Variants in DLG2 observed in about 807,000 individuals in gnomAD.
DLG2 encodes disks large homolog 2.
In DLG2, 45 loss-of-function variants were observed where a neutral mutation model predicts 132.5. That is an observed-to-expected ratio of 0.34 (90% CI 0.27 to 0.44). DLG2 has a LOEUF of 0.44. Among genes scored for constraint, DLG2 ranks in the 20% least tolerant of loss-of-function variants. The pLI is 1.00. For missense variants in DLG2, 1,045 were observed against 1,196.9 expected, an observed-to-expected ratio of 0.87 and a Z score of 1.87; for synonymous variants, 424 against 419.6, an observed-to-expected ratio of 1.01 and a Z score of -0.13.
At chr11:84,513,139 T>A (rs1488951758) in intron 7 of DLG2, among the ~76,000 whole-genome samples, 2 of 150,670 alleles carry the variant, frequency 1.3e-5, no homozygotes, top group Non-Finnish European at 3.0e-5. Flanking sequence ...ATCCCAGAAC[T>A]TAAAGTAAAA....
chr11:84,720,571 C>T (rs949620461), intron 6 of DLG2: 5 of 756,168 alleles, frequency 6.6e-6, no homozygotes, highest in Non-Finnish European at 8.1e-6. Flanking sequence ...CCGAGCCTCT[C>T]GGGGTCTCCC....
chr11:85,107,765 T>C (rs940830746), intron 6 of DLG2, among the ~76,000 whole-genome samples: 2 of 151,476 alleles, frequency 1.3e-5, no homozygotes, highest in African/African-American at 2.4e-5. Context: ...AGCCGCACGA[T>C]AGGAGAGAAA....
intron 5 of DLG2, among the ~76,000 whole-genome samples, chr11:85,113,365 T>C (rs988696511): frequency 6.6e-6 from 1 of 152,060 alleles, no homozygotes; most frequent in South Asian, 2.1e-4. Flanking sequence ...TCACAAAATA[T>C]GACGGGTGCA....
intron 11 of DLG2, among the ~76,000 whole-genome samples, chr11:84,044,570 G>T (rs566986903): frequency 1.3e-5 from 2 of 151,788 alleles, no homozygotes; most frequent in Non-Finnish European, 2.9e-5. Flanking sequence ...AGGCAAGTGT[G>T]TCATTTTTCT....
At chr11:85,346,888 A>G (rs2152870401) in intron 3 of DLG2, among the ~76,000 whole-genome samples, 1 of 152,248 alleles carries the variant, frequency 6.6e-6, no homozygotes, top group Admixed American at 6.5e-5. Flanking sequence ...ACTGAGGGTC[A>G]GGATTTGTAG....
At position 84,532,117 on chromosome 11, in the gene DLG2, ATTTTTTTTT is replaced by A. The variant is rs67139617; in HGVS notation, c.519+2444_519+2452del. ...CCATGGTGCTTTCATTGTTCTGTTC[ATTTTTTTTT>A]TTTTTTTTTTTTTTTACTGTAACCG... On this transcript the variant is annotated intron_variant, in intron 7 of 27. Coordinates refer to ENST00000376104, the MANE Select transcript of DLG2 (RefSeq NM_001142699.3). Among the ~76,000 whole-genome samples, 12 of 104,592 alleles carry A rather than the reference ATTTTTTTTT, an allele frequency of 1.1e-4. No individual in the cohort carries two copies. The East Asian group carries it at 1.5e-3, about 13-fold the overall frequency. The allele number at this position is 104,592 out of a possible 152,430, so 68.6% of individuals were successfully genotyped here. A position where few individuals can be genotyped will look rare whatever the true frequency, so the allele number is the denominator to read the frequency against.
chr11:84,923,449 G>A, intron 6 of DLG2: 5 of 973,776 alleles, frequency 5.1e-6, no homozygotes, highest in Non-Finnish European at 6.1e-6. Context: ...AGAAGAAGGA[G>A]GGGGGAATGA....
At chr11:83,992,105 G>A (rs1041196550) in intron 11 of DLG2, among the ~76,000 whole-genome samples, 5 of 152,114 alleles carry the variant, frequency 3.3e-5, no homozygotes, top group African/African-American at 4.8e-5. Flanking sequence ...ACAAACTCTT[G>A]CATTTCTAAG....
intron 20 of DLG2, among the ~76,000 whole-genome samples, chr11:83,539,218 T>C (rs895202127): frequency 6.6e-6 from 1 of 152,226 alleles, no homozygotes; most frequent in African/African-American, 2.4e-5. Context: ...GGGAAGGTGA[T>C]AATATTCATA....
intron 11 of DLG2, among the ~76,000 whole-genome samples, chr11:84,012,462 T>C (rs1420279186): frequency 6.6e-6 from 1 of 152,110 alleles, no homozygotes; most frequent in African/African-American, 2.4e-5. Context: ...GGTCATTCGA[T>C]GGTGGCATTT....
chr11:84,970,125 C>A (rs1592012696), intron 6 of DLG2, among the ~76,000 whole-genome samples: 1 of 151,912 alleles, frequency 6.6e-6, no homozygotes, highest in Non-Finnish European at 1.5e-5. Context: ...ATGTAACAAA[C>A]CTGCACGTTC....
intron 6 of DLG2, among the ~76,000 whole-genome samples, chr11:85,072,822 C>T (rs182990): frequency 0.63 from 96,130 of 151,638 alleles, 30,866 homozygotes; most frequent in South Asian, 0.74. Flanking sequence ...ATCTACAAAT[C>T]TGGCTATGAA....
At chr11:84,389,971 G>A (rs963667253) in intron 7 of DLG2, among the ~76,000 whole-genome samples, 1 of 152,126 alleles carries the variant, frequency 6.6e-6, no homozygotes, top group Non-Finnish European at 1.5e-5. Flanking sequence ...TGACTTAGCA[G>A]TATCATTTAG....
chr11:83,966,106 A>G (rs189119079), intron 12 of DLG2, among the ~76,000 whole-genome samples: 9 of 152,122 alleles, frequency 5.9e-5, no homozygotes, highest in Non-Finnish European at 1.2e-4. Context: ...CACAACTCTG[A>G]TAATATTTCT....
intron 6 of DLG2, among the ~76,000 whole-genome samples, chr11:84,966,909 A>C (rs2053426864): frequency 6.6e-6 from 1 of 152,132 alleles, no homozygotes; most frequent in Non-Finnish European, 1.5e-5. Context: ...AGTCTAAGAG[A>C]CTGGAAATCC....
chr11:84,643,052 C>G (rs560393145), intron 6 of DLG2, among the ~76,000 whole-genome samples: 3 of 152,230 alleles, frequency 2.0e-5, no homozygotes, highest in African/African-American at 7.2e-5. Context: ...CTACTCTATT[C>G]AAGCTCTGGC....
At position 85,497,030 on chromosome 11, in the gene DLG2, G is replaced by A. The variant is rs548442507; in HGVS notation, c.40+101627C>T. ...CCAGAATGCCTCTTCTCCTCCAAAG[G>A]AAAACAACTCCTCGCCAGCAAGGGA... is the stretch of plus-strand genomic sequence containing the variant. On this transcript the variant is annotated intron_variant, in intron 3 of 27. Coordinates refer to ENST00000376104, the MANE Select transcript of DLG2 (RefSeq NM_001142699.3). 1.9e-4 allele frequency among the ~76,000 whole-genome samples: 29 copies of A among 151,948 alleles called. 1 individual carries two copies. In the South Asian group the frequency reaches 5.9e-3, roughly 31 times the overall value.
intron 3 of DLG2, among the ~76,000 whole-genome samples, chr11:85,591,344 AAGGAC>A (rs1469593099): frequency 6.6e-6 from 1 of 152,252 alleles, no homozygotes; most frequent in Non-Finnish European, 1.5e-5. Context: ...CATAAATATC[AAGGAC>A]ATTTTGAATC....
intron 19 of DLG2, among the ~76,000 whole-genome samples, chr11:83,571,162 G>A (rs1366610153): frequency 4.6e-5 from 7 of 152,100 alleles, no homozygotes; most frequent in South Asian, 2.1e-4. Context: ...GCTTATAGGC[G>A]TGAGCCACCA....
Sources: allele counts gnomAD v4.1 joint callset (sites outside exome capture counted in the v4.1 genomes callset), GRCh38; gene constraint gnomAD v4.1.1; transcripts MANE v1.5; gene names NCBI Gene and HGNC (gene_info 2026-07-23, HGNC 2026-07-21).